The following SPSB1 variants were observed in gnomAD, a reference collection of about 807,000 sequenced individuals.
SPSB1 encodes the protein splA/ryanodine receptor domain and SOCS box containing 1.
Under a neutral mutation model 21.2 loss-of-function variants are expected in SPSB1, and 8 were observed. That is an observed-to-expected ratio of 0.38 (90% CI 0.22 to 0.68). The LOEUF is 0.68. Among genes scored for constraint, SPSB1 ranks in the 30% least tolerant of loss-of-function variants. SPSB1 has a pLI of 0.53. For missense variants in SPSB1, 242 were observed against 377.8 expected (o/e 0.64, Z 2.98); for synonymous variants, 169 against 161.7 (o/e 1.05, Z -0.34).
intron 1 of SPSB1, among the ~76,000 whole-genome samples, chr1:9,300,273 A>G (rs1639307006): frequency 6.6e-6 from 1 of 152,220 alleles, no homozygotes; most frequent in African/African-American, 2.4e-5. Context: ...TTTGGAGGCA[A>G]CACATTCCTC....
intron 1 of SPSB1, among the ~76,000 whole-genome samples, chr1:9,349,801 C>G (rs80237880): frequency 0.017 from 2,520 of 152,308 alleles, 26 homozygotes; most frequent in Non-Finnish European, 0.024. Context: ...CTTGACCCTT[C>G]CTGATCTTTA....
chr1:9,319,829 G>A (rs1557451097), intron 1 of SPSB1, among the ~76,000 whole-genome samples: 1 of 152,116 alleles, frequency 6.6e-6, no homozygotes, highest in African/African-American at 2.4e-5. Context: ...CACACCCGCT[G>A]TTTCTGTGGC....
At chr1:9,311,814 T>A (rs1202766903) in intron 1 of SPSB1, among the ~76,000 whole-genome samples, 2 of 152,020 alleles carry the variant, frequency 1.3e-5, no homozygotes, top group African/African-American at 4.8e-5. Flanking sequence ...AAAAGGTGGG[T>A]TTGGTGCATC....
intron 2 of SPSB1, among the ~76,000 whole-genome samples, chr1:9,366,368 G>C (rs185637796): frequency 5.9e-5 from 9 of 152,362 alleles, no homozygotes; most frequent in African/African-American, 1.9e-4. Context: ...GGGTTTCTCT[G>C]TCTCCATGTG....
chr1:9,336,522 G>A (rs547592634), intron 1 of SPSB1, among the ~76,000 whole-genome samples: 2 of 152,026 alleles, frequency 1.3e-5, no homozygotes, highest in African/African-American at 4.8e-5. Context: ...CACCACGTCC[G>A]GCTCCTCCTC....
Position 9,315,408 on chromosome 1 carries a change from C to T in SPSB1, c.-150+22337C>T, listed in dbSNP as rs547207002. Among the ~76,000 whole-genome samples, 122 of 152,358 alleles carry T rather than the reference C, an allele frequency of 8.0e-4. 1 individual carries two copies. The highest frequency in any genetic ancestry group is 3.4e-3 in the Middle Eastern group (1 of 294). On this transcript the variant is annotated intron_variant, in intron 1 of 2. Transcript: ENST00000328089. ...GTACCAGGCACAAAGCTTCTTGTGTCGTTGTCTCACGCAAGTCTTTACAAT... is the reference window on the plus strand; with the variant it reads ...GTACCAGGCACAAAGCTTCTTGTGTTGTTGTCTCACGCAAGTCTTTACAAT...
chr1:9,356,254 C>G lies in SPSB1; in HGVS notation c.363C>G (p.Asp121Glu). Residue 121 changes from aspartate to glutamate, a missense_variant, in exon 2 of 3, where the codon GAC (aspartate) becomes GAG (glutamate). Asp to Glu is a conservative substitution (Grantham distance 45, BLOSUM62 2). Coordinates refer to ENST00000328089, the MANE Select transcript of SPSB1 (RefSeq NM_025106.4). The surrounding 1 kb of genome is among the most constrained non-coding windows in gnomAD (Gnocchi z 7.4). ...THAVVGVATA[D>E]APLHSVGYTT... ...CCGTGGTGGGGGTGGCGACGGCAGA[C>G]GCCCCCCTGCACTCTGTCGGGTACA... The G allele has an allele frequency of 6.2e-7, 1 of 1,609,102 alleles. No individual in the cohort carries two copies.
chr1:9,327,535 G>A (rs1001999877), intron 1 of SPSB1, among the ~76,000 whole-genome samples: 1 of 151,962 alleles, frequency 6.6e-6, no homozygotes, highest in African/African-American at 2.4e-5. Flanking sequence ...GGTTGGGCAC[G>A]AGCTGGGCAG....
chr1:9,361,201 A>G (rs1464156152), intron 2 of SPSB1, among the ~76,000 whole-genome samples: 8 of 76,648 alleles, frequency 1.0e-4, no homozygotes. Flanking sequence ...GGGTCTCACT[A>G]TGTTGCCTAG....
chr1:9,325,302 C>T (rs1052403433), intron 1 of SPSB1, among the ~76,000 whole-genome samples: 1 of 151,630 alleles, frequency 6.6e-6, no homozygotes, highest in Non-Finnish European at 1.5e-5. Flanking sequence ...CAGCCCTGCA[C>T]ACTAGGGACA....
intron 2 of SPSB1, among the ~76,000 whole-genome samples, chr1:9,366,032 A>C (rs912055298): frequency 6.6e-6 from 1 of 152,216 alleles, no homozygotes; most frequent in East Asian, 1.9e-4. Context: ...CAGACTCCTG[A>C]GATCTGAAGC....
chr1:9,337,592 G>A (rs1220140759), intron 1 of SPSB1, among the ~76,000 whole-genome samples: 1 of 152,220 alleles, frequency 6.6e-6, no homozygotes, highest in Non-Finnish European at 1.5e-5. Context: ...TCAGCTGTGA[G>A]TGCAGCGCCT....
At chr1:9,308,742 T>C (rs1045109517) in intron 1 of SPSB1, among the ~76,000 whole-genome samples, 1 of 152,276 alleles carries the variant, frequency 6.6e-6, no homozygotes, top group African/African-American at 2.4e-5. Context: ...ACTTTTTTTT[T>C]AGAGAGGTTT....
intron 1 of SPSB1, among the ~76,000 whole-genome samples, chr1:9,297,157 C>G (rs1639238132): frequency 6.6e-6 from 1 of 152,170 alleles, no homozygotes; most frequent in Admixed American, 6.5e-5. Context: ...AGCTCTGAAT[C>G]TGACCTGAAG....
At chr1:9,313,204 C>T (rs1416766726) in intron 1 of SPSB1, among the ~76,000 whole-genome samples, 1 of 152,114 alleles carries the variant, frequency 6.6e-6, no homozygotes, top group Non-Finnish European at 1.5e-5. Context: ...CGAGACCAGC[C>T]TGACCAACAT....
At chr1:9,365,167 T>G (rs776604287) in intron 2 of SPSB1, among the ~76,000 whole-genome samples, 1 of 152,218 alleles carries the variant, frequency 6.6e-6, no homozygotes, top group Non-Finnish European at 1.5e-5. Context: ...TGTTTTCATT[T>G]TTGAGACAAG....
At chr1:9,298,588 A>G (rs184069566) in intron 1 of SPSB1, among the ~76,000 whole-genome samples, 39 of 152,332 alleles carry the variant, frequency 2.6e-4, no homozygotes, top group Admixed American at 2.5e-3. Context: ...CAGAGTGAAT[A>G]TGTATTGAGG....
In SPSB1 at chr1:9,355,840, G is replaced by C; in HGVS notation, c.-52G>C. 2.0e-6 allele frequency: 3 copies of C among 1,517,998 alleles called. No homozygotes were observed. Among genetic ancestry groups the C allele is most frequent in the South Asian group, 2.6e-5 (2 of 75,544 alleles). The allele number at this position is 1,517,998 out of a possible 1,614,324, so 94.0% of individuals were successfully genotyped here. On this transcript the variant is annotated 5_prime_UTR_variant, in exon 2 of 3. Transcript: ENST00000328089. ...CAGAATACTGGAGACGAGACCACGA[G>C]ATTGATGAGTTTGCCTTGGGAGTCG... is the stretch of plus-strand genomic sequence containing the variant.
chr1:9,347,863 T>A (rs930299615), intron 1 of SPSB1, among the ~76,000 whole-genome samples: 1 of 152,010 alleles, frequency 6.6e-6, no homozygotes, highest in African/African-American at 2.4e-5. Flanking sequence ...CTGCCCCAGT[T>A]CAGGGTCTGT....
Sources: allele counts gnomAD v4.1 joint callset (sites outside exome capture counted in the v4.1 genomes callset), GRCh38; gene constraint gnomAD v4.1.1; non-coding constraint Gnocchi (gnomAD v3.1); transcripts MANE v1.5; gene names NCBI Gene and HGNC (gene_info 2026-07-23, HGNC 2026-07-21).